ANKS1B: variants seen among roughly 807,000 people sequenced by gnomAD.
ANKS1B encodes the protein ankyrin repeat and sterile alpha motif domain containing 1B.
A neutral mutation model predicts 148.3 loss-of-function variants in ANKS1B; 36 were observed. The ratio of observed to expected loss-of-function variants is 0.24; its 90% CI spans 0.19 to 0.32. The LOEUF (loss-of-function observed/expected upper bound fraction) is 0.32. Ranked by LOEUF, ANKS1B falls within the 10% of genes least tolerant of loss-of-function variation. ANKS1B has a pLI of 1.00. For synonymous variants in ANKS1B, 542 were observed against 560.8 expected (o/e 0.97, Z 0.47); for missense variants, 1,157 against 1,542.6 (o/e 0.75, Z 4.19).
At chr12:99,673,368 C>A (rs929506360) in intron 8 of ANKS1B, among the ~76,000 whole-genome samples, 1 of 152,034 alleles carries the variant, frequency 6.6e-6, no homozygotes, top group Admixed American at 6.6e-5. Flanking sequence ...TAGAAACTGA[C>A]TCTGTTAAGT....
intron 12 of ANKS1B, among the ~76,000 whole-genome samples, chr12:99,269,522 C>A (rs1285496878): frequency 6.8e-6 from 1 of 148,056 alleles, no homozygotes; most frequent in East Asian, 2.0e-4. Context: ...TTTTTTTGGT[C>A]ACACGTTTTC....
At chr12:99,922,055 C>T (rs1404040952) in intron 1 of ANKS1B, among the ~76,000 whole-genome samples, 1 of 152,086 alleles carries the variant, frequency 6.6e-6, no homozygotes, top group Non-Finnish European at 1.5e-5. Flanking sequence ...AATCCCTTAA[C>T]CTTTCCCTGC....
chr12:99,796,634 A>T (rs1178895922), intron 4 of ANKS1B, among the ~76,000 whole-genome samples: 1 of 151,988 alleles, frequency 6.6e-6, no homozygotes, highest in Non-Finnish European at 1.5e-5. Flanking sequence ...ACAAATTTTA[A>T]AAACCTAATA....
intron 9 of ANKS1B, among the ~76,000 whole-genome samples, chr12:99,644,520 T>C (rs2372898): frequency 0.69 from 104,944 of 152,024 alleles, 36,377 homozygotes; most frequent in Admixed American, 0.74. Flanking sequence ...GCATCTTTAA[T>C]GTCCATATTT....
At chr12:99,848,888 T>C (rs939401945) in intron 1 of ANKS1B, among the ~76,000 whole-genome samples, 3 of 152,154 alleles carry the variant, frequency 2.0e-5, no homozygotes, top group Non-Finnish European at 2.9e-5. Flanking sequence ...TCATGTCCTT[T>C]GCAACAATTT....
At chr12:99,110,957 C>T (rs2060167875) in intron 15 of ANKS1B, among the ~76,000 whole-genome samples, 1 of 152,152 alleles carries the variant, frequency 6.6e-6, no homozygotes. Context: ...ATTAAGATGG[C>T]CTTCCTCTGT....
chr12:99,927,910 T>A (rs1165231208), intron 1 of ANKS1B, among the ~76,000 whole-genome samples: 1 of 152,194 alleles, frequency 6.6e-6, no homozygotes, highest in East Asian at 1.9e-4. Flanking sequence ...CTAAAAATAT[T>A]GTAATCTGAA....
chr12:98,955,218 A>G (rs1350414766), intron 17 of ANKS1B, among the ~76,000 whole-genome samples: 1 of 152,164 alleles, frequency 6.6e-6, no homozygotes, highest in African/African-American at 2.4e-5. Context: ...GGGGAGGTAT[A>G]CTTTAAAATA....
chr12:99,365,121 G>T (rs961709413), intron 12 of ANKS1B, among the ~76,000 whole-genome samples: 1 of 152,166 alleles, frequency 6.6e-6, no homozygotes, highest in African/African-American at 2.4e-5. Context: ...AGAGGGATTG[G>T]GGTAAGCATC....
At chr12:99,714,760 GATAA>G (rs1371837118) in intron 8 of ANKS1B, among the ~76,000 whole-genome samples, 1 of 152,046 alleles carries the variant, frequency 6.6e-6, no homozygotes, top group African/African-American at 2.4e-5. Flanking sequence ...AAATTAGACT[GATAA>G]ATAACCCTAT....
intron 10 of ANKS1B, among the ~76,000 whole-genome samples, chr12:99,463,267 T>C (rs1207563482): frequency 2.0e-5 from 3 of 152,216 alleles, no homozygotes; most frequent in African/African-American, 7.2e-5. Context: ...GATTAATATG[T>C]GAAGACAAGA....
intron 12 of ANKS1B, among the ~76,000 whole-genome samples, chr12:99,335,063 C>G (rs184155576): frequency 6.6e-6 from 1 of 152,122 alleles, no homozygotes. Flanking sequence ...ATTTTGTAAA[C>G]TCATAGAGCA....
chr12:98,931,165 G>C (rs1482754887), intron 17 of ANKS1B, among the ~76,000 whole-genome samples: 5 of 152,122 alleles, frequency 3.3e-5, no homozygotes, highest in Non-Finnish European at 5.9e-5. Context: ...CTGGTGACTT[G>C]AGTTGTTGAC....
chr12:99,063,610 A>G (rs2043146896), intron 16 of ANKS1B, among the ~76,000 whole-genome samples: 2 of 152,258 alleles, frequency 1.3e-5, no homozygotes, highest in South Asian at 4.1e-4. Context: ...GGACGTCTCC[A>G]AAATGCTGAG....
chr12:98,971,112 G>T lies in ANKS1B; in HGVS notation c.2778+82045C>A, dbSNP rs1481332204. On this transcript the variant is annotated intron_variant, in intron 17 of 26. Transcript: ENST00000683438. ...CCTAACTCTGCCCCTTGCTGGCTGGGTGACCTTGGCCAAGTTTTAAACTCT... is the reference window on the plus strand; with the variant it reads ...CCTAACTCTGCCCCTTGCTGGCTGGTTGACCTTGGCCAAGTTTTAAACTCT... Among the ~76,000 whole-genome samples the T allele has an allele frequency of 3.9e-5, 6 of 152,170 alleles. No homozygotes were observed. In the East Asian group the frequency reaches 9.6e-4, roughly 24 times the overall value.
At chr12:99,140,832 TC>T (rs1377194198) in intron 15 of ANKS1B, among the ~76,000 whole-genome samples, 1 of 152,182 alleles carries the variant, frequency 6.6e-6, no homozygotes, top group East Asian at 1.9e-4. Flanking sequence ...TACTCCATTC[TC>T]CTAGTAAACT....
At chr12:98,876,807 T>C (rs1179545056) in intron 17 of ANKS1B, among the ~76,000 whole-genome samples, 4 of 152,234 alleles carry the variant, frequency 2.6e-5, no homozygotes, top group African/African-American at 9.6e-5. Context: ...CAGAAGATTA[T>C]ATTTAATGGC....
At chr12:99,935,172 G>C (rs2094729134) in intron 1 of ANKS1B, among the ~76,000 whole-genome samples, 1 of 152,086 alleles carries the variant, frequency 6.6e-6, no homozygotes, top group Non-Finnish European at 1.5e-5. Context: ...AGCAGAGTAA[G>C]TACCAATAAG....
chr12:99,283,322 A>T (rs1057317073), intron 12 of ANKS1B, among the ~76,000 whole-genome samples: 5 of 152,210 alleles, frequency 3.3e-5, no homozygotes, highest in Admixed American at 6.5e-5. Flanking sequence ...CAGGTCCTCA[A>T]ATATGAACCC....
Sources: allele counts gnomAD v4.1 joint callset (sites outside exome capture counted in the v4.1 genomes callset), GRCh38; gene constraint gnomAD v4.1.1; transcripts MANE v1.5; gene names NCBI Gene and HGNC (gene_info 2026-07-23, HGNC 2026-07-21).